The following RCOR1 variants were observed in gnomAD, a reference collection of about 807,000 sequenced individuals.
The protein encoded by RCOR1 is REST corepressor 1.
A neutral mutation model predicts 64.0 loss-of-function variants in RCOR1; 12 were observed. The ratio of observed to expected loss-of-function variants is 0.19; its 90% CI spans 0.12 to 0.30. The LOEUF (loss-of-function observed/expected upper bound fraction) is 0.30. Ranked by LOEUF, RCOR1 falls within the 10% of genes least tolerant of loss-of-function variation. RCOR1 has a pLI of 1.00. For missense variants in RCOR1, 502 were observed against 621.2 expected (o/e 0.81, Z 2.04); for synonymous variants, 279 against 227.2 (o/e 1.23, Z -2.05).
At chr14:102,658,752 C>A in intron 2 of RCOR1, 2 of 551,766 alleles carry the variant, frequency 3.6e-6, no homozygotes, top group Non-Finnish European at 2.3e-6. Context: ...CATTTCTGTT[C>A]TAGAATCCAA....
At chr14:102,648,395 A>G (rs772794334) in intron 2 of RCOR1, among the ~76,000 whole-genome samples, 2 of 152,114 alleles carry the variant, frequency 1.3e-5, no homozygotes, top group Non-Finnish European at 2.9e-5. Flanking sequence ...AATCCTTTAA[A>G]TGCTTGTTTA....
intron 5 of RCOR1, among the ~76,000 whole-genome samples, 170 bp downstream of exon 5, chr14:102,707,682 T>G (rs1895882489): frequency 6.6e-6 from 1 of 152,204 alleles, no homozygotes; most frequent in Non-Finnish European, 1.5e-5. Flanking sequence ...AGTTTTCCAG[T>G]TACAGGAGTA....
chr14:102,679,019 G>A (rs1422968725), intron 2 of RCOR1, among the ~76,000 whole-genome samples: 1 of 152,038 alleles, frequency 6.6e-6, no homozygotes, highest in Non-Finnish European at 1.5e-5. Flanking sequence ...ATGTATTCTG[G>A]ATAGAAGTCC....
At chr14:102,597,331 T>C (rs979109871) in intron 2 of RCOR1, among the ~76,000 whole-genome samples, 2 of 151,960 alleles carry the variant, frequency 1.3e-5, no homozygotes, top group Non-Finnish European at 2.9e-5. Flanking sequence ...GAATTTGACT[T>C]TGATTTTTTT....
intron 2 of RCOR1, among the ~76,000 whole-genome samples, chr14:102,597,817 A>ATTT (rs563390894): frequency 7.4e-6 from 1 of 135,312 alleles, no homozygotes; most frequent in Non-Finnish European, 1.6e-5. Flanking sequence ...TATTTTTGCA[A>ATTT]TTTTTTTTTT....
chr14:102,641,467 G>T (rs1334288356), intron 2 of RCOR1, among the ~76,000 whole-genome samples: 1 of 151,908 alleles, frequency 6.6e-6, no homozygotes, highest in Non-Finnish European at 1.5e-5. Flanking sequence ...GGTTATGGTG[G>T]TGTTCTCCTT....
chr14:102,636,974 A>AAAAAAC (rs1420199682), intron 2 of RCOR1, among the ~76,000 whole-genome samples: 4 of 152,110 alleles, frequency 2.6e-5, no homozygotes, highest in Non-Finnish European at 5.9e-5. Context: ...TCTGTTTCAA[A>AAAAAAC]AAAACAAAAC....
intron 11 of RCOR1, among the ~76,000 whole-genome samples, chr14:102,726,212 G>A (rs1485834770): frequency 6.6e-6 from 1 of 151,846 alleles, no homozygotes; most frequent in African/African-American, 2.4e-5. Flanking sequence ...CTGTAGTTGC[G>A]GCTACTTGAG....
chr14:102,722,155 G>T, intron 10 of RCOR1, 32 bp from the exon 11 acceptor site: 1 of 1,551,496 alleles, frequency 6.4e-7, no homozygotes, highest in African/African-American at 1.4e-5. Context: ...TTTTTCTCTT[G>T]TATTTTAAAA....
intron 3 of RCOR1, among the ~76,000 whole-genome samples, chr14:102,692,607 A>T (rs553785815): frequency 2.6e-4 from 39 of 152,176 alleles, no homozygotes; most frequent in Admixed American, 2.0e-3. Context: ...TACATCTTCT[A>T]TGTAGTGGTT....
intron 11 of RCOR1, among the ~76,000 whole-genome samples, chr14:102,723,834 A>G (rs1001909503): frequency 2.6e-5 from 4 of 152,142 alleles, no homozygotes; most frequent in Non-Finnish European, 5.9e-5. Flanking sequence ...GGAAGCAGAA[A>G]CAGTTGGGAA....
At chr14:102,606,220 C>G (rs1893504733) in intron 2 of RCOR1, among the ~76,000 whole-genome samples, 1 of 152,168 alleles carries the variant, frequency 6.6e-6, no homozygotes, top group Non-Finnish European at 1.5e-5. Context: ...GCCACCGTGC[C>G]CGGCCTAATT....
chr14:102,698,219 A>G (rs1395198121), intron 3 of RCOR1, among the ~76,000 whole-genome samples: 2 of 152,256 alleles, frequency 1.3e-5, no homozygotes, highest in South Asian at 2.1e-4. Context: ...AGCATTCAAC[A>G]AATGCTTGTG....
At chr14:102,669,734 C>A (rs1016612058) in intron 2 of RCOR1, among the ~76,000 whole-genome samples, 3 of 152,182 alleles carry the variant, frequency 2.0e-5, no homozygotes, top group Non-Finnish European at 2.9e-5. Context: ...GTGCCTAGCA[C>A]ATAGTAAGCA....
chr14:102,599,874 G>A (rs1325746497), intron 2 of RCOR1, among the ~76,000 whole-genome samples: 2 of 150,412 alleles, frequency 1.3e-5, no homozygotes, highest in Non-Finnish European at 3.0e-5. Context: ...CCTGATGTTG[G>A]CTCACTTCAA....
chr14:102,707,881 C>T (rs141971433), intron 5 of RCOR1, among the ~76,000 whole-genome samples: 10,038 of 152,006 alleles, frequency 0.066, 498 homozygotes, highest in Non-Finnish European at 0.11. Flanking sequence ...CTCCGCCTCC[C>T]GGGTTCAAGC....
chr14:102,618,612 C>A (rs1425672670), intron 2 of RCOR1, among the ~76,000 whole-genome samples: 1 of 152,110 alleles, frequency 6.6e-6, no homozygotes, highest in Non-Finnish European at 1.5e-5. Context: ...GACCCTGTCT[C>A]AAAACTAAAC....
At chr14:102,599,709 T>G (rs889246529) in intron 2 of RCOR1, among the ~76,000 whole-genome samples, 4 of 152,202 alleles carry the variant, frequency 2.6e-5, no homozygotes, top group African/African-American at 9.6e-5. Flanking sequence ...TGATATGCCT[T>G]TCATTTGTTT....
chr14:102,717,015 A>G (rs1896080171), intron 8 of RCOR1, among the ~76,000 whole-genome samples: 1 of 152,192 alleles, frequency 6.6e-6, no homozygotes, highest in African/African-American at 2.4e-5. Flanking sequence ...TTTTCTGTGT[A>G]AGAACTTAAC....
Sources: allele counts gnomAD v4.1 joint callset (sites outside exome capture counted in the v4.1 genomes callset), GRCh38; gene constraint gnomAD v4.1.1; transcripts MANE v1.5; gene names NCBI Gene and HGNC (gene_info 2026-07-23, HGNC 2026-07-21).